ACAD11: variants seen among roughly 807,000 people sequenced by gnomAD.
ACAD11 encodes acyl-Coenzyme A dehydrogenase family, member 11.
A neutral mutation model predicts 102.2 loss-of-function variants in ACAD11; 83 were observed. The ratio of observed to expected loss-of-function variants is 0.81; its 90% CI spans 0.68 to 0.97. The LOEUF (loss-of-function observed/expected upper bound fraction) is 0.97, where lower values mean the gene tolerates loss of function less well. Ranked by LOEUF, ACAD11 falls within the 50% of genes least tolerant of loss-of-function variation. The probability of loss-of-function intolerance (pLI) is 0.00; values close to 1 mark genes in which losing one functional copy is unlikely to be tolerated. For missense variants in ACAD11, 901 were observed against 951.7 expected (o/e 0.95, Z 0.70); for synonymous variants, 324 against 319.8 (o/e 1.01, Z -0.14).
At chr3:132,632,570 T>C (rs1055048295) in intron 5 of ACAD11, among the ~76,000 whole-genome samples, 1 of 152,220 alleles carries the variant, frequency 6.6e-6, no homozygotes, top group African/African-American at 2.4e-5. Context: ...GGCTCTTTCT[T>C]GGTTCCATAT....
Position 132,618,609 on chromosome 3 carries a change from TTA to T in ACAD11, c.1414+23_1414+24del. 3.9e-6 allele frequency: 6 copies of T among 1,521,240 alleles called. No homozygotes were observed. In the South Asian group the frequency reaches 8.0e-5, roughly 20 times the overall value. The allele number at this position is 1,521,240 out of a possible 1,614,324, so 94.2% of individuals were successfully genotyped here. On this transcript the variant is annotated intron_variant, in intron 11 of 19. Transcript: ENST00000264990. ...ACACTGATCAAAATATTAGAAAAAA[TTA>T]TGTTTTCAATTAATGTAGTAACCTG...
In ACAD11 at chr3:132,659,688, T is replaced by C. The variant is rs748572840; in HGVS notation, c.64A>G (p.Ser22Gly). 8.7e-6 allele frequency: 14 copies of C among 1,611,634 alleles called. No homozygotes were observed. The Admixed American group carries it at 1.5e-4, about 17-fold the overall frequency. ...AEVLPQHKFD[S>G]KSLEAYLNQH... ...TTTAGGTAGGCCTCCAGGGACTTGC[T>C]GTCGAACTTGTGCTGGGGCAGCACT... The change falls in exon 1 of 20, where the codon AGC (serine) becomes GGC (glycine). Residue 22 changes from serine to glycine, a missense_variant. Physicochemically the swap from Ser to Gly is moderately conservative, Grantham distance 56 (BLOSUM62 0). Coordinates refer to ENST00000264990, the MANE Select transcript of ACAD11 (RefSeq NM_032169.5).
chr3:132,581,047 A>G (rs1192978212), intron 13 of ACAD11, among the ~76,000 whole-genome samples: 1 of 152,042 alleles, frequency 6.6e-6, no homozygotes, highest in African/African-American at 2.4e-5. Flanking sequence ...TCAGATTGAA[A>G]AAGCCATTGA....
At position 132,618,709 on chromosome 3, in the gene ACAD11, C is replaced by A. The variant is rs147696744; in HGVS notation, c.1339G>T (p.Val447Leu). The A allele has an allele frequency of 3.1e-5, 50 of 1,604,432 alleles. No homozygotes were observed. The highest frequency in any genetic ancestry group is 3.9e-5 in the Non-Finnish European group (46 of 1,176,108). The change falls in exon 11 of 20, where the codon GTG (valine) becomes TTG (leucine). Residue 447 changes from valine to leucine, a missense_variant. By Grantham distance (32) the Val-to-Leu change is conservative. Coordinates refer to ENST00000264990, the MANE Select transcript of ACAD11 (RefSeq NM_032169.5). ...TCTTCAGCAATCAAGGCATAGTCCA[C>A]GTGGCTGAGTCCGCTGACAGCTGGC... is the stretch of plus-strand genomic sequence containing the variant. Reference protein sequence around the residue: ...FLPAVSGLSHVDYALIAEETG... With the variant: ...FLPAVSGLSHLDYALIAEETG...
chr3:132,583,565 T>C (rs909301266), intron 13 of ACAD11, among the ~76,000 whole-genome samples: 18 of 152,216 alleles, frequency 1.2e-4, no homozygotes, highest in African/African-American at 4.1e-4. Context: ...TCTGCTCTGA[T>C]CTTAGCTATT....
At chr3:132,604,899 A>C (rs930043278) in intron 12 of ACAD11, 199 bp downstream of exon 12, 5 of 446,580 alleles carry the variant, frequency 1.1e-5, no homozygotes, top group Middle Eastern at 4.8e-4. Context: ...CTGATATTCT[A>C]ACAAAGGAGA....
intron 5 of ACAD11, among the ~76,000 whole-genome samples, chr3:132,635,362 G>C (rs1218126571): frequency 1.3e-5 from 2 of 152,138 alleles, no homozygotes; most frequent in Non-Finnish European, 2.9e-5. Flanking sequence ...AGTTATCCAA[G>C]CTACATAAAA....
chr3:132,607,848 A>T (rs1938918133), intron 11 of ACAD11, among the ~76,000 whole-genome samples: 1 of 152,174 alleles, frequency 6.6e-6, no homozygotes, highest in African/African-American at 2.4e-5. Flanking sequence ...TTGAAATGAA[A>T]GAAAAAATGT....
chr3:132,563,410 T>C (rs1937121412), intron 17 of ACAD11, among the ~76,000 whole-genome samples: 1 of 152,232 alleles, frequency 6.6e-6, no homozygotes, highest in Non-Finnish European at 1.5e-5. Flanking sequence ...TTAACATCTT[T>C]AATCTGTTAG....
rs774835049 is a variant in ACAD11, at chr3:132,577,025, A to G, written c.1775-10T>C. The G allele has an allele frequency of 7.1e-6, 11 of 1,558,566 alleles. No individual in the cohort carries two copies. The highest frequency in any genetic ancestry group is 9.7e-6 in the Non-Finnish European group (11 of 1,135,184). On this transcript the variant is annotated splice_polypyrimidine_tract_variant and intron_variant, in intron 15 of 19. Transcript: ENST00000264990. Reference sequence around the variant, plus strand: ...CCTCCATGAAAATTATCTATAAAATAGAAAATAAAATTTAGAGCAAAAGGA... The same window carrying G: ...CCTCCATGAAAATTATCTATAAAATGGAAAATAAAATTTAGAGCAAAAGGA...
At chr3:132,602,391 T>A (rs1938647534) in intron 13 of ACAD11, among the ~76,000 whole-genome samples, 1 of 152,114 alleles carries the variant, frequency 6.6e-6, no homozygotes, top group South Asian at 2.1e-4. Context: ...TTTCTTAACT[T>A]CCTAAAGAAT....
At chr3:132,611,446 A>G (rs943271332) in intron 11 of ACAD11, among the ~76,000 whole-genome samples, 3 of 152,184 alleles carry the variant, frequency 2.0e-5, no homozygotes, top group African/African-American at 7.2e-5. Flanking sequence ...TCCTGTTTGC[A>G]GATGACATGA....
In ACAD11 at chr3:132,598,571, G is replaced by A. The variant is rs145468844; in HGVS notation, c.1621+4658C>T. Among the ~76,000 whole-genome samples, 435 of 152,332 alleles carry A rather than the reference G, an allele frequency of 2.9e-3. 5 individuals are homozygous for A. The highest frequency in any genetic ancestry group is 9.2e-3 in the African/African-American group (384 of 41,574). On this transcript the variant is annotated intron_variant, in intron 13 of 19. Transcript: ENST00000264990. ...ACAGAATGGATCAGTTCTCTGAGGG[G>A]TATGTAGAGATTGCTAATACATCAG...
At chr3:132,599,874 C>T (rs1466181786) in intron 13 of ACAD11, among the ~76,000 whole-genome samples, 1 of 151,922 alleles carries the variant, frequency 6.6e-6, no homozygotes, top group Non-Finnish European at 1.5e-5. Context: ...ATTTATTTAA[C>T]TTATTTAAAT....
chr3:132,566,296 C>CAAAAAAAAAAAAAA (rs371477145), intron 17 of ACAD11, among the ~76,000 whole-genome samples: 5 of 61,862 alleles, frequency 8.1e-5, no homozygotes, highest in East Asian at 3.1e-4. Flanking sequence ...AAAACAAACT[C>CAAAAAAAAAAAAAA]AAAAAAACAA....
At chr3:132,597,345 T>C (rs1938357573) in intron 13 of ACAD11, 1 of 152,148 alleles carries the variant, frequency 6.6e-6, no homozygotes, top group Non-Finnish European at 1.5e-5. Context: ...ATTTCTTTTC[T>C]TATTCTGACT....
At chr3:132,567,889 A>G (rs934404386) in intron 17 of ACAD11, among the ~76,000 whole-genome samples, 6 of 152,226 alleles carry the variant, frequency 3.9e-5, no homozygotes, top group South Asian at 2.1e-4. Context: ...GGAAGGAGAC[A>G]AAAAGCATGT....
chr3:132,623,012 G>C (rs1939664523), intron 9 of ACAD11, among the ~76,000 whole-genome samples: 1 of 152,142 alleles, frequency 6.6e-6, no homozygotes, highest in Non-Finnish European at 1.5e-5. Flanking sequence ...TGTTTTACAT[G>C]CTATTTTTAG....
chr3:132,618,976 C>T (rs980497432), intron 10 of ACAD11: 104 of 443,620 alleles, frequency 2.3e-4, no homozygotes, highest in Non-Finnish European at 2.1e-4. Flanking sequence ...AATAACATGT[C>T]TTTTCCTCCA....
Sources: allele counts gnomAD v4.1 joint callset (sites outside exome capture counted in the v4.1 genomes callset), GRCh38; gene constraint gnomAD v4.1.1; transcripts MANE v1.5; gene names NCBI Gene and HGNC (gene_info 2026-07-23, HGNC 2026-07-21).